HDLBP: variants seen among roughly 807,000 people sequenced by gnomAD.
HDLBP encodes high density lipoprotein binding protein.
Under a neutral mutation model 137.3 loss-of-function variants are expected in HDLBP, and 30 were observed. The ratio of observed to expected loss-of-function variants is 0.22; its 90% CI spans 0.16 to 0.30. HDLBP has a LOEUF of 0.30. Ranked by LOEUF, HDLBP falls within the 10% of genes least tolerant of loss-of-function variation. HDLBP has a pLI of 1.00. For synonymous variants in HDLBP, 606 were observed against 596.0 expected (o/e 1.02, Z -0.24); for missense variants, 1,119 against 1,667.3 (o/e 0.67, Z 5.73).
chr2:241,259,312 G>A (rs1013361411), intron 5 of HDLBP, among the ~76,000 whole-genome samples: 16 of 152,208 alleles, frequency 1.1e-4, no homozygotes, highest in African/African-American at 2.9e-4. Context: ...GGTGAGGAGG[G>A]AGCAGGGTGA....
intron 1 of HDLBP, among the ~76,000 whole-genome samples, chr2:241,306,837 A>G (rs1370857852): frequency 4.0e-5 from 6 of 151,100 alleles, no homozygotes; most frequent in Admixed American, 2.6e-4. Context: ...AGCGGAGATC[A>G]TGCTGTCATA....
intron 1 of HDLBP, among the ~76,000 whole-genome samples, chr2:241,273,968 G>A (rs945734753): frequency 1.3e-5 from 2 of 152,130 alleles, no homozygotes; most frequent in African/African-American, 4.8e-5. Context: ...GGGCATAATG[G>A]AGGAAATAAA....
chr2:241,269,857 T>G (rs2073928013), intron 1 of HDLBP, among the ~76,000 whole-genome samples: 1 of 152,102 alleles, frequency 6.6e-6, no homozygotes. Flanking sequence ...CCAGTGACAC[T>G]TGCCTCTGGT....
chr2:241,238,424 G>A lies in HDLBP; in HGVS notation c.2749+225C>T, dbSNP rs1195925731. 1.3e-5 allele frequency: 5 copies of A among 374,612 alleles called. No homozygotes were observed. The highest frequency in any genetic ancestry group is 1.1e-4 in the South Asian group (1 of 9,446). 23.2% of individuals were successfully genotyped at this position (374,612 alleles called of 1,614,324 possible). A position where few individuals can be genotyped will look rare whatever the true frequency, so the allele number is the denominator to read the frequency against. ...ATCGCCTTGGGACTGGCTACCTTGT[G>A]TGTCTCTAGGACCTATGAAGGTCAC... On this transcript the variant is annotated intron_variant, in intron 20 of 27. Transcript: ENST00000310931. This position sits in a 1 kb window ranked among gnomAD's most constrained non-coding sequence, Gnocchi z 4.9.
At chr2:241,247,804 T>C (rs369596959) in intron 14 of HDLBP, among the ~76,000 whole-genome samples, 199 bp downstream of exon 14, 26 of 152,282 alleles carry the variant, frequency 1.7e-4, no homozygotes, top group African/African-American at 5.3e-4. Flanking sequence ...GTCTTAACAA[T>C]GACTGCCAAT....
At chr2:241,283,562 C>G (rs1193190006) in intron 1 of HDLBP, among the ~76,000 whole-genome samples, 1 of 151,866 alleles carries the variant, frequency 6.6e-6, no homozygotes, top group Non-Finnish European at 1.5e-5. Flanking sequence ...GTAACCTCTG[C>G]CTCCCAGGTT....
At chr2:241,261,854 T>G (rs1224841889) in intron 5 of HDLBP, among the ~76,000 whole-genome samples, 1 of 152,096 alleles carries the variant, frequency 6.6e-6, no homozygotes, top group Non-Finnish European at 1.5e-5. Context: ...CCTCAGGCCC[T>G]CTCCCATCAA....
chr2:241,255,340 A>G (rs1559508510), intron 8 of HDLBP, 34 bp downstream of exon 8: 1 of 1,591,364 alleles, frequency 6.3e-7, no homozygotes, highest in African/African-American at 1.3e-5. Context: ...GACTCCACTC[A>G]AAGGAGACAC....
chr2:241,304,974 A>C (rs1559557908), intron 1 of HDLBP, among the ~76,000 whole-genome samples: 1 of 152,258 alleles, frequency 6.6e-6, no homozygotes, highest in Non-Finnish European at 1.5e-5. Flanking sequence ...TACCATGAGC[A>C]TATACATAGA....
intron 1 of HDLBP, among the ~76,000 whole-genome samples, chr2:241,295,095 CTG>C (rs889290127): frequency 6.6e-6 from 1 of 152,172 alleles, no homozygotes; most frequent in African/African-American, 2.4e-5. Flanking sequence ...GAGCAAAACT[CTG>C]TCTCAAAGAA....
In HDLBP at chr2:241,251,729, C is replaced by T. The variant is rs139492171; in HGVS notation, c.1372+1228G>A. On this transcript the variant is annotated intron_variant, in intron 11 of 27. Transcript: ENST00000310931. ...GTGGCTCATGCCTGTAATCCCAGCA[C>T]TTTGGGAGGCCGAGGTGGGCAGATC... Among the ~76,000 whole-genome samples the T allele has an allele frequency of 2.0e-5, 3 of 152,338 alleles. No individual in the cohort carries two copies. In the East Asian group the frequency reaches 5.8e-4, roughly 29 times the overall value.
At chr2:241,299,309 A>C (rs998153251) in intron 1 of HDLBP, among the ~76,000 whole-genome samples, 40 of 151,764 alleles carry the variant, frequency 2.6e-4, no homozygotes, top group African/African-American at 9.4e-4. Context: ...TCACAAGGTC[A>C]GGAGTTCAAG....
intron 12 of HDLBP, 101 bp from the exon 13 acceptor site, chr2:241,248,449 T>C: frequency 2.1e-6 from 2 of 938,880 alleles, no homozygotes; most frequent in Non-Finnish European, 3.4e-6. Context: ...CAGTCCTTCA[T>C]GGAGCAGGTG....
At chr2:241,273,979 T>C (rs1257464134) in intron 1 of HDLBP, among the ~76,000 whole-genome samples, 1 of 151,646 alleles carries the variant, frequency 6.6e-6, no homozygotes, top group Non-Finnish European at 1.5e-5. Context: ...AGGAAATAAA[T>C]GGCCAGATTT....
chr2:241,231,741 T>C (rs1360114676), intron 24 of HDLBP, among the ~76,000 whole-genome samples: 1 of 152,000 alleles, frequency 6.6e-6, no homozygotes, highest in Non-Finnish European at 1.5e-5. Flanking sequence ...GGAGACACCA[T>C]ACCAGACTTG....
chr2:241,247,151 C>G lies in HDLBP; in HGVS notation c.1732-9G>C, dbSNP rs754300037. On this transcript the variant is annotated splice_polypyrimidine_tract_variant and intron_variant, in intron 14 of 27. Coordinates refer to ENST00000310931, the MANE Select transcript of HDLBP (RefSeq NM_005336.6). ...GAATAGCTATTTTCCACCTTAAAGA[C>G]AAAAAACACAGCCCGATTCACCACC... 3.5e-5 allele frequency: 55 copies of G among 1,564,410 alleles called. No homozygotes were observed. The South Asian group carries it at 5.8e-4, about 16-fold the overall frequency.
chr2:241,239,459 G>A lies in HDLBP; in HGVS notation c.2610+143C>T, dbSNP rs369620293. 33 of 636,930 alleles carry A rather than the reference G, an allele frequency of 5.2e-5. 1 individual carries two copies. The South Asian group carries it at 5.9e-4, about 11-fold the overall frequency. The allele number at this position is 636,930 out of a possible 1,614,324, so 39.5% of individuals were successfully genotyped here. ...CCAGACAGGCTGAGGAAAGAAGAGC[G>A]AGCACCAGAAAGCCCCTTCTGAAGC... On this transcript the variant is annotated intron_variant, in intron 19 of 27. Transcript: ENST00000310931. This position sits in a 1 kb window ranked among gnomAD's most constrained non-coding sequence, Gnocchi z 4.6.
rs761861290 is a variant in HDLBP, at chr2:241,239,554, G to A, written c.2610+48C>T. The A allele has an allele frequency of 5.4e-6, 8 of 1,493,506 alleles. No homozygotes were observed. The highest frequency in any genetic ancestry group is 7.5e-6 in the Non-Finnish European group (8 of 1,073,056). 92.5% of individuals were successfully genotyped at this position (1,493,506 alleles called of 1,614,324 possible). On this transcript the variant is annotated intron_variant, in intron 19 of 27. Coordinates refer to ENST00000310931, the MANE Select transcript of HDLBP (RefSeq NM_005336.6). This position sits in a 1 kb window ranked among gnomAD's most constrained non-coding sequence, Gnocchi z 4.6. Reference sequence around the variant, plus strand: ...GAACACTCATACACGGCTTCGGTGAGTGGCCACTGGGGGGTGAGAACCCCT... The same window carrying A: ...GAACACTCATACACGGCTTCGGTGAATGGCCACTGGGGGGTGAGAACCCCT...
Position 241,227,429 on chromosome 2 carries a change from T to C in HDLBP, c.*2172A>G, listed in dbSNP as rs2069236800. On this transcript the variant is annotated 3_prime_UTR_variant, in exon 28 of 28. Transcript: ENST00000310931. ...GGATTGTAGCTATGGAAACAGATGA[T>C]ATGGAAGACATCCAACAAGGAGGAA... 6.6e-6 allele frequency: 1 copy of C among 152,552 alleles called. No homozygotes were observed. The highest frequency in any genetic ancestry group is 1.9e-4 in the East Asian group (1 of 5,196). 9.4% of individuals were successfully genotyped at this position (152,552 alleles called of 1,614,324 possible).
Sources: allele counts gnomAD v4.1 joint callset (sites outside exome capture counted in the v4.1 genomes callset), GRCh38; gene constraint gnomAD v4.1.1; non-coding constraint Gnocchi (gnomAD v3.1); transcripts MANE v1.5; gene names NCBI Gene and HGNC (gene_info 2026-07-23, HGNC 2026-07-21).